TTN: variants seen among roughly 807,000 people sequenced by gnomAD.
The protein encoded by TTN is connectin.
In TTN, 1,525 loss-of-function variants were observed where a neutral mutation model predicts 3,223.0. That is an observed-to-expected ratio of 0.47 (90% CI 0.45 to 0.49). The LOEUF (loss-of-function observed/expected upper bound fraction) is 0.49, where lower values mean the gene tolerates loss of function less well. Ranked by LOEUF, TTN falls within the 20% of genes least tolerant of loss-of-function variation. The probability of loss-of-function intolerance (pLI) is 0.00; values close to 1 mark genes in which losing one functional copy is unlikely to be tolerated. For synonymous variants in TTN, 14,094 were observed against 15,161.0 expected (o/e 0.93, Z 5.17); for missense variants, 40,786 against 43,424.0 (o/e 0.94, Z 5.40).
chr2:178,765,380 G>T (rs1281979395), intron 41 of TTN, among the ~76,000 whole-genome samples: 1 of 152,120 alleles, frequency 6.6e-6, no homozygotes, highest in Non-Finnish European at 1.5e-5. Flanking sequence ...TTCCTGTTTT[G>T]CTAACTAAAG....
intron 210 of TTN, 36 bp downstream of exon 210, chr2:178,650,128 A>G (rs776530725): frequency 1.1e-5 from 16 of 1,519,076 alleles, no homozygotes; most frequent in South Asian, 3.8e-5. Context: ...AAATGAAATG[A>G]CTGTATTTTC....
Position 178,675,674 on chromosome 2 carries a change from T to C in TTN, c.34534A>G (p.Lys11512Glu), listed in dbSNP as rs905655715. 3 of 1,417,168 alleles carry C rather than the reference T, an allele frequency of 2.1e-6. No individual in the cohort carries two copies. The highest frequency in any genetic ancestry group is 2.7e-6 in the Non-Finnish European group (3 of 1,094,910). 87.8% of individuals were successfully genotyped at this position (1,417,168 alleles called of 1,614,324 possible). A position where few individuals can be genotyped will look rare whatever the true frequency, so the allele number is the denominator to read the frequency against. ...GLKKAVAPPAKVPEVPKKVEE... is the reference protein window; with the variant it reads ...GLKKAVAPPAEVPEVPKKVEE... ...TCCCTGTTATGGGATGATGTACCTTTGGCAGGAGGGGCCACTGCTTTCTTA... is the reference window on the plus strand; with the variant it reads ...TCCCTGTTATGGGATGATGTACCTTCGGCAGGAGGGGCCACTGCTTTCTTA... The change falls in exon 149 of 363, where the codon AAA becomes GAA. Residue 11512 changes from lysine (K) to glutamate (E), a missense_variant. Physicochemically the swap from Lys to Glu is moderately conservative, Grantham distance 56. Transcript: ENST00000589042.
intron 259 of TTN, 111 bp from the exon 260 acceptor site, chr2:178,615,079 A>G (rs2057081626): frequency 9.4e-7 from 1 of 1,061,042 alleles, no homozygotes; most frequent in African/African-American, 1.6e-5. Flanking sequence ...TAGTCTTTAA[A>G]TTAAACCTGG....
intron 45 of TTN, among the ~76,000 whole-genome samples, chr2:178,757,230 A>ACTTGCTTTAAGTACAGTAAGTAATACTG (rs1227467101): frequency 1.8e-4 from 3 of 16,358 alleles, no homozygotes; most frequent in East Asian, 2.2e-3. Flanking sequence ...GTAAGTAATA[A>ACTTGCTTTAAGTACAGTAAGTAATACTG]TCAGCAAATA....
Position 178,534,562 on chromosome 2 carries a change from T to G in TTN, c.102053A>C (p.Glu34018Ala). Residue 34018 changes from glutamate (E) to alanine (A), a missense_variant, in exon 358 of 363, where the codon GAA becomes GCA. By Grantham distance (107) the Glu-to-Ala change is moderately radical. Transcript: ENST00000589042. ...LLSGINPFLAETNQQIIENIM... is the reference protein window; with the variant it reads ...LLSGINPFLAATNQQIIENIM... Reference sequence around the variant, plus strand: ...ATTCTCAATGATCTGTTGGTTAGTTTCAGCCAGGAATGGGTTGATACCACT... The same window carrying G: ...ATTCTCAATGATCTGTTGGTTAGTTGCAGCCAGGAATGGGTTGATACCACT... 6.2e-7 allele frequency: 1 copy of G among 1,613,904 alleles called. No individual in the cohort carries two copies. The highest frequency in any genetic ancestry group is 8.5e-7 in the Non-Finnish European group (1 of 1,179,806).
In TTN at chr2:178,560,437, T is replaced by C; in HGVS notation, c.85695A>G (p.Glu28565=). The change falls in exon 326 of 363, where the codon GAA becomes GAG. Residue 28565 remains glutamate, a synonymous_variant. Transcript: ENST00000589042. ...GTCTTGACCAGCAAAGTGTCATAGA[T>C]TCTTTGGTCACAGAAGTAATTTCCA... ...TSLEITSVTK[E]SMTLCWSRPE... 6.2e-7 allele frequency: 1 copy of C among 1,613,680 alleles called. No individual in the cohort carries two copies. Among genetic ancestry groups the C allele is most frequent in the South Asian group, 1.1e-5 (1 of 91,064 alleles).
chr2:178,708,635 G>A (rs1338227711), intron 99 of TTN, among the ~76,000 whole-genome samples: 2 of 152,168 alleles, frequency 1.3e-5, no homozygotes, highest in African/African-American at 4.8e-5. Context: ...TGTAAATCAT[G>A]AAGATAAGCC....
Position 178,715,428 on chromosome 2 carries a change from GAAGTT to G in TTN, c.25921+60_25921+64del, listed in dbSNP as rs1209785862. On this transcript the variant is annotated intron_variant, in intron 89 of 362. Coordinates refer to ENST00000589042, the MANE Select transcript of TTN (RefSeq NM_001267550.2). ...AAAACATCGTTGAAGAGTCAAACAGGAAGTTAAGAGGACAATTAAAGAGGAGGCTA... is the reference window on the plus strand; with the variant it reads ...AAAACATCGTTGAAGAGTCAAACAGGAAGAGGACAATTAAAGAGGAGGCTA... The G allele has an allele frequency of 3.2e-6, 5 of 1,540,636 alleles. No individual in the cohort carries two copies. The African/African-American group carries it at 6.9e-5, about 21-fold the overall frequency.
In TTN at chr2:178,528,571, C is replaced by G; in HGVS notation, c.107180G>C (p.Gly35727Ala). 1 of 1,612,450 alleles carries G rather than the reference C, an allele frequency of 6.2e-7. No homozygotes were observed. The highest frequency in any genetic ancestry group is 2.2e-5 in the East Asian group (1 of 44,850). ...CCATTCGATTTCAGGGGATGGCTCG[C>G]CACTGATTTCACAAGTAAAGAGAAC... ...QNVLFTCEISGEPSPEIEWFK... is the reference protein window; with the variant it reads ...QNVLFTCEISAEPSPEIEWFK... Residue 35727 changes from glycine to alanine, a missense_variant, in exon 360 of 363, where the codon GGC (glycine) becomes GCC (alanine). Coordinates refer to ENST00000589042, the MANE Select transcript of TTN (RefSeq NM_001267550.2).
In TTN at chr2:178,533,613, C is replaced by A; in HGVS notation, c.103002G>T (p.Val34334=). Residue 34334 remains valine, a synonymous_variant, in exon 358 of 363, where the codon GTG becomes GTT. Transcript: ENST00000589042. ...TTDDDAEYTV[V]ARNKYGEDSC... ...TGTCTTCACCATATTTGTTCCTTGC[C>A]ACAACAGTATATTCAGCGTCATCAT... is the stretch of plus-strand genomic sequence containing the variant. 6.2e-7 allele frequency: 1 copy of A among 1,613,922 alleles called. No homozygotes were observed.
intron 12 of TTN, 128 bp downstream of exon 12, chr2:178,789,850 C>T (rs1190021721): frequency 8.5e-7 from 1 of 1,176,506 alleles, no homozygotes; most frequent in Non-Finnish European, 1.2e-6. Context: ...TCATATTTAC[C>T]ATTTTGTTTT....
At chr2:178,750,756 A>G in intron 47 of TTN, 1 of 1,613,072 alleles carries the variant, frequency 6.2e-7, no homozygotes, top group Non-Finnish European at 8.5e-7. Context: ...GTACCAAAAG[A>G]TTCGCTGGCA....
In TTN at chr2:178,590,396, G is replaced by A; in HGVS notation, c.61329C>T (p.Tyr20443=). 6.2e-7 allele frequency: 1 copy of A among 1,604,714 alleles called. No homozygotes were observed. ...TATTAGCTGCCTTTATACGGAATCT[G>A]TACTCATTTCCTTCAATTAGTCCAG... ...RVPGLIEGNE[Y]RFRIKAANIV... The change falls in exon 304 of 363, where the codon TAC becomes TAT. Residue 20443 remains tyrosine, a synonymous_variant. Transcript: ENST00000589042.
chr2:178,581,789 G>A lies in TTN; in HGVS notation c.66479C>T (p.Pro22160Leu), dbSNP rs777364605. The change falls in exon 316 of 363, where the codon CCG (proline) becomes CTG (leucine). Residue 22160 changes from proline to leucine, a missense_variant. Physicochemically the swap from Pro to Leu is moderately conservative, Grantham distance 98. Coordinates refer to ENST00000589042, the MANE Select transcript of TTN (RefSeq NM_001267550.2). ...ARDPQYPPGP[P>L]AFPKVYDTTR... ...TGTATCATATACTTTAGGGAAAGCC[G>A]GTGGGCCAGGAGGATCTGAGAATAA... 35 of 1,598,094 alleles carry A rather than the reference G, an allele frequency of 2.2e-5. No homozygotes were observed. Among genetic ancestry groups the A allele is most frequent in the Admixed American group, 3.5e-5 (2 of 57,248 alleles).
rs2057375526 is a variant in TTN at position 178,616,526 on chromosome 2, C to G, written c.48265G>C (p.Gly16089Arg). The G allele has an allele frequency of 6.2e-7, 1 of 1,612,286 alleles. No homozygotes were observed. The highest frequency in any genetic ancestry group is 8.5e-7 in the Non-Finnish European group (1 of 1,178,950). Reference protein sequence around the residue: ...PDDDGGSPLTGYVVEKREVSR... With the variant: ...PDDDGGSPLTRYVVEKREVSR... ...ACTTCTCGTTTTTCAACAACGTATC[C>G]AGTTAACGGACTTCCTCCATCATCA... Residue 16089 changes from glycine (G) to arginine (R), a missense_variant, in exon 257 of 363, where the codon GGA becomes CGA. Physicochemically the swap from Gly to Arg is moderately radical, Grantham distance 125. Transcript: ENST00000589042.
Position 178,591,724 on chromosome 2 carries a change from T to A in TTN, c.60095A>T (p.Asn20032Ile). The A allele has an allele frequency of 6.2e-7, 1 of 1,613,374 alleles. No individual in the cohort carries two copies. The highest frequency in any genetic ancestry group is 8.5e-7 in the Non-Finnish European group (1 of 1,179,568). ...TAGTCCAGTAACCACACACTCTAAG[T>A]TTGTCACAGTCTTAAATTTAATCCA... is the stretch of plus-strand genomic sequence containing the variant. ...QDWIKFKTVTNLECVVTGLQQ... is the reference protein window; with the variant it reads ...QDWIKFKTVTILECVVTGLQQ... Residue 20032 changes from asparagine to isoleucine, a missense_variant, in exon 303 of 363, where the codon AAC (asparagine) becomes ATC (isoleucine). Asn to Ile is a moderately radical substitution (Grantham distance 149). Coordinates refer to ENST00000589042, the MANE Select transcript of TTN (RefSeq NM_001267550.2).
At chr2:178,602,636 ATGAAGTGCTGGAGTCTTT>A in intron 282 of TTN, 46 bp from the exon 283 acceptor site, 1 of 1,432,208 alleles carries the variant, frequency 7.0e-7, no homozygotes, top group Non-Finnish European at 9.2e-7. Flanking sequence ...TTTGAAGCTG[ATGAAGTGCTGGAGTCTTT>A]TACTACACAT....
rs1281920947 is a variant in TTN, at chr2:178,572,649, C to T, written c.73483G>A (p.Gly24495Ser). ...TTTTCTACAGTTAGTATATATTTGC[C>T]ACTGTCAAATCTGTTTACATTTCCA... ...IVGNVNRFDSGKYILTVENSS... is the reference protein window; with the variant it reads ...IVGNVNRFDSSKYILTVENSS... The change falls in exon 326 of 363, where the codon GGC becomes AGC. Residue 24495 changes from glycine to serine, a missense_variant. Gly to Ser is a moderately conservative substitution (Grantham distance 56). Transcript: ENST00000589042. The T allele has an allele frequency of 1.2e-6, 2 of 1,612,998 alleles. No individual in the cohort carries two copies.
In TTN at chr2:178,561,987, T is replaced by C; in HGVS notation, c.84145A>G (p.Thr28049Ala). Residue 28049 changes from threonine (T) to alanine (A), a missense_variant, in exon 326 of 363, where the codon ACT becomes GCT. Thr to Ala is a moderately conservative substitution (Grantham distance 58). Coordinates refer to ENST00000589042, the MANE Select transcript of TTN (RefSeq NM_001267550.2). ...CCTGGTCTGTCAAGGACAATTATAGTAATAGGAACTGTTATGGATCCAGCA... is the reference window on the plus strand; with the variant it reads ...CCTGGTCTGTCAAGGACAATTATAGCAATAGGAACTGTTATGGATCCAGCA... ...NSAGSITVPI[T>A]IIVLDRPGPP... 6.2e-7 allele frequency: 1 copy of C among 1,613,388 alleles called. No homozygotes were observed. The highest frequency in any genetic ancestry group is 8.5e-7 in the Non-Finnish European group (1 of 1,179,602).
Sources: gnomAD v4.1 joint callset for allele counts (sites outside exome capture counted in the v4.1 genomes callset) on GRCh38, gnomAD v4.1.1 for gene constraint, MANE v1.5 for transcripts, NCBI Gene and HGNC (gene_info 2026-07-23, HGNC 2026-07-21) for gene names.